Variants in FKBP4 observed in about 807,000 individuals in gnomAD.
FKBP4 encodes peptidyl-prolyl cis-trans isomerase FKBP4.
A neutral mutation model predicts 54.1 loss-of-function variants in FKBP4; 28 were observed. That is an observed-to-expected ratio of 0.52 (90% CI 0.38 to 0.71). FKBP4 has a LOEUF of 0.71. Ranked by LOEUF, FKBP4 falls within the 30% of genes least tolerant of loss-of-function variation. The probability of loss-of-function intolerance (pLI) is 0.00; values close to 1 mark genes in which losing one functional copy is unlikely to be tolerated. For synonymous variants in FKBP4, 223 were observed against 216.1 expected (o/e 1.03, Z -0.28); for missense variants, 493 against 574.4 (o/e 0.86, Z 1.45).
chr12:2,797,015 G>A (rs542294627), intron 1 of FKBP4, 123 bp from the exon 2 acceptor site: 3 of 1,461,098 alleles, frequency 2.1e-6, no homozygotes, highest in African/African-American at 1.4e-5. Context: ...GGAGGGACAA[G>A]TAGGCAGAGG....
Position 2,803,787 on chromosome 12 carries a change from A to T in FKBP4, c.*529A>T. The T allele has an allele frequency of 6.5e-6, 1 of 153,578 alleles. No individual in the cohort carries two copies. Among genetic ancestry groups the T allele is most frequent in the East Asian group, 1.9e-4 (1 of 5,224 alleles). 9.5% of individuals were successfully genotyped at this position (153,578 alleles called of 1,614,324 possible). ...GATGATGTCTTCTGGTGTCATGGTG[A>T]CCACCCCCTGTTCCCTGTTCTGGTA... is the stretch of plus-strand genomic sequence containing the variant. On this transcript the variant is annotated 3_prime_UTR_variant, in exon 10 of 10. Transcript: ENST00000001008.
Position 2,800,095 on chromosome 12 carries a change from G to GA in FKBP4, c.822dup (p.Glu275ArgfsTer11). 2 of 1,613,656 alleles carry GA rather than the reference G, an allele frequency of 1.2e-6. No homozygotes were observed. The highest frequency in any genetic ancestry group is 1.7e-6 in the Non-Finnish European group (2 of 1,180,014). On this transcript the variant is annotated frameshift_variant, in exon 7 of 10. Coordinates refer to ENST00000001008, the MANE Select transcript of FKBP4 (RefSeq NM_002014.4). LOFTEE classifies it high-confidence loss of function. The stretch of plus-strand genomic sequence containing the variant: ...AGAAGCTGGAACAGAGCACCATAGT[G>GA]AAAGAGCGGGGCACTGTGTACTTCA...
Position 2,795,362 on chromosome 12 carries a change from C to A in FKBP4, c.105+118C>A. On this transcript the variant is annotated intron_variant, in intron 1 of 9. Transcript: ENST00000001008. This position sits in a 1 kb window ranked among gnomAD's most constrained non-coding sequence, Gnocchi z 4.3. ...CGAGGCGGCCGCCTTTGCAGCCTCG[C>A]GGCCGTCCCGCCGGGGGCCGGTGGC... The A allele has an allele frequency of 3.4e-6, 1 of 295,254 alleles. No individual in the cohort carries two copies. Among genetic ancestry groups the A allele is most frequent in the Non-Finnish European group, 5.2e-6 (1 of 190,994 alleles). 18.3% of individuals were successfully genotyped at this position (295,254 alleles called of 1,614,324 possible).
intron 9 of FKBP4, among the ~76,000 whole-genome samples, chr12:2,802,031 C>T (rs940111127): frequency 7.0e-6 from 1 of 143,222 alleles, no homozygotes. Flanking sequence ...ATTTTACATC[C>T]GTATTTAAAG....
chr12:2,800,192 G>A, intron 7 of FKBP4, 70 bp downstream of exon 7: 1 of 1,538,414 alleles, frequency 6.5e-7, no homozygotes, highest in Non-Finnish European at 9.0e-7. Context: ...TTCCCTTGGT[G>A]ACTGAGATCA....
In FKBP4 at chr12:2,798,364, G is replaced by A. The variant is rs1603481411; in HGVS notation, c.394-342G>A. 6.6e-6 allele frequency among the ~76,000 whole-genome samples: 1 copy of A among 152,150 alleles called. No homozygotes were observed. Among genetic ancestry groups the A allele is most frequent in the Non-Finnish European group, 1.5e-5 (1 of 68,028 alleles). On this transcript the variant is annotated intron_variant, in intron 3 of 9. Transcript: ENST00000001008. The surrounding 1 kb of genome is among the most constrained non-coding windows in gnomAD (Gnocchi z 4.3). ...ACTGAGAAACTGCTGAGAGATGTTG[G>A]GTAATCATTTCTAATACCTACCAGG...
At chr12:2,796,948 T>C (rs1363762275) in intron 1 of FKBP4, 190 bp from the exon 2 acceptor site, 3 of 1,380,802 alleles carry the variant, frequency 2.2e-6, no homozygotes, top group Non-Finnish European at 9.4e-7. Context: ...TTGCTGCACC[T>C]CAAGAAAGAC....
intron 8 of FKBP4, 72 bp from the exon 9 acceptor site, chr12:2,801,045 G>A (rs2097904451): frequency 1.3e-6 from 2 of 1,586,152 alleles, no homozygotes; most frequent in Non-Finnish European, 1.7e-6. Context: ...GGTACCTTTG[G>A]AACCCAGTCT....
chr12:2,803,218 A>G lies in FKBP4; in HGVS notation c.1340A>G (p.Asn447Ser). ...DTEMKEEQKSNTAGSQSQVET... is the reference protein window; with the variant it reads ...DTEMKEEQKSSTAGSQSQVET... ...GAGATGAAGGAGGAGCAGAAGAGCA[A>G]CACGGCAGGGAGCCAGTCTCAGGTG... Residue 447 changes from asparagine to serine, a missense_variant, in exon 10 of 10, where the codon AAC becomes AGC. Coordinates refer to ENST00000001008, the MANE Select transcript of FKBP4 (RefSeq NM_002014.4). 1 of 1,602,640 alleles carries G rather than the reference A, an allele frequency of 6.2e-7. No individual in the cohort carries two copies.
chr12:2,797,528 T>G (rs114369266), intron 2 of FKBP4, among the ~76,000 whole-genome samples: 2,008 of 152,060 alleles, frequency 0.013, 39 homozygotes, highest in African/African-American at 0.047. Flanking sequence ...CATCTTAAAC[T>G]CTTTTGTTCA....
intron 5 of FKBP4, 23 bp downstream of exon 5, chr12:2,799,267 G>T: frequency 6.8e-7 from 1 of 1,466,410 alleles, no homozygotes; most frequent in East Asian, 2.4e-5. Flanking sequence ...CACTTCGTAG[G>T]GTAGGCAGGC....
chr12:2,796,360 T>C (rs776603236), intron 1 of FKBP4: 1 of 1,289,250 alleles, frequency 7.8e-7, no homozygotes, highest in South Asian at 1.2e-5. Flanking sequence ...TACGAGATTG[T>C]TATTCCAGGA....
chr12:2,799,700 G>C (rs1205021700), intron 5 of FKBP4, 150 bp from the exon 6 acceptor site: 1 of 677,322 alleles, frequency 1.5e-6, no homozygotes, highest in African/African-American at 1.8e-5. Context: ...CCATCTGACA[G>C]TGTGAAGAGG....
Position 2,804,437 on chromosome 12 carries a change from G to A in FKBP4, c.*1179G>A, listed in dbSNP as rs2097906486. Reference sequence around the variant, plus strand: ...ATTAAGGTTAAGAGTAAAGCAGAGTGTTCACGTCCAGCTTCCTTCTCAGCC... The same window carrying A: ...ATTAAGGTTAAGAGTAAAGCAGAGTATTCACGTCCAGCTTCCTTCTCAGCC... On this transcript the variant is annotated 3_prime_UTR_variant, in exon 10 of 10. Coordinates refer to ENST00000001008, the MANE Select transcript of FKBP4 (RefSeq NM_002014.4). 6.6e-6 allele frequency: 1 copy of A among 152,234 alleles called. No homozygotes were observed. Among genetic ancestry groups the A allele is most frequent in the African/African-American group, 2.4e-5 (1 of 41,464 alleles). The allele number at this position is 152,234 out of a possible 1,614,324, so 9.4% of individuals were successfully genotyped here.
At position 2,799,958 on chromosome 12, in the gene FKBP4, C is replaced by T. The variant is rs1405521397; in HGVS notation, c.762+18C>T. On this transcript the variant is annotated intron_variant, in intron 6 of 9. Transcript: ENST00000001008. The stretch of plus-strand genomic sequence containing the variant: ...TTGAAAAGGTAAGTTTGCTCAGGGT[C>T]TTCCCATCTAAAGTCAAGTTCCACC... The T allele has an allele frequency of 6.8e-6, 11 of 1,613,252 alleles. No homozygotes were observed. Among genetic ancestry groups the T allele is most frequent in the Non-Finnish European group, 9.3e-6 (11 of 1,179,268 alleles).
intron 8 of FKBP4, 123 bp from the exon 9 acceptor site, chr12:2,800,994 G>A (rs937753136): frequency 1.5e-6 from 2 of 1,315,074 alleles, no homozygotes; most frequent in Admixed American, 2.2e-5. Context: ...TTCTTCCTGG[G>A]GTGCAGCCAG....
chr12:2,802,000 C>T (rs373177613), intron 9 of FKBP4, among the ~76,000 whole-genome samples: 19 of 152,178 alleles, frequency 1.2e-4, no homozygotes, highest in East Asian at 9.7e-4. Context: ...GCTTTTTTCA[C>T]GTAATAGTAG....
rs892739531 is a variant in FKBP4 at position 2,797,810 on chromosome 12, A to T, written c.332A>T (p.Tyr111Phe). ...TGCCACATCACCTGCAAACCAGAAT[A>T]TGCCTACGGTTCAGCAGGCAGTCCT... ...EVCHITCKPEYAYGSAGSPPK... is the reference protein window; with the variant it reads ...EVCHITCKPEFAYGSAGSPPK... The change falls in exon 3 of 10, where the codon TAT (tyrosine) becomes TTT (phenylalanine). Residue 111 changes from tyrosine (Y) to phenylalanine (F), a missense_variant. By Grantham distance (22) the Tyr-to-Phe change is conservative (BLOSUM62 3). Coordinates refer to ENST00000001008, the MANE Select transcript of FKBP4 (RefSeq NM_002014.4). The T allele has an allele frequency of 3.1e-6, 5 of 1,613,960 alleles. No homozygotes were observed. In the African/African-American group the frequency reaches 6.7e-5, roughly 22 times the overall value.
In FKBP4 at chr12:2,795,169, G is replaced by A. The variant is rs1220121581; in HGVS notation, c.30G>A (p.Glu10=). 7.6e-7 allele frequency: 1 copy of A among 1,316,312 alleles called. No individual in the cohort carries two copies. Among genetic ancestry groups the A allele is most frequent in the Non-Finnish European group, 9.8e-7 (1 of 1,024,154 alleles). The allele number at this position is 1,316,312 out of a possible 1,614,324, so 81.5% of individuals were successfully genotyped here. The change falls in exon 1 of 10, where the codon GAG becomes GAA. Residue 10 remains glutamate, a synonymous_variant. Coordinates refer to ENST00000001008, the MANE Select transcript of FKBP4 (RefSeq NM_002014.4). The surrounding 1 kb of genome is among the most constrained non-coding windows in gnomAD (Gnocchi z 4.3). MTAEEMKAT[E]SGAQSAPLPM... is the part of the protein sequence containing the mutation. ...CAGCCGAGGAGATGAAGGCGACCGA[G>A]AGCGGGGCGCAGTCGGCGCCGCTGC...
Sources: gnomAD v4.1 joint callset for allele counts (sites outside exome capture counted in the v4.1 genomes callset) on GRCh38, gnomAD v4.1.1 for gene constraint, Gnocchi (gnomAD v3.1) non-coding constraint, MANE v1.5 for transcripts, NCBI Gene and HGNC (gene_info 2026-07-23, HGNC 2026-07-21) for gene names.